The following FGF14 variants were observed in gnomAD, a reference collection of about 807,000 sequenced individuals.
The protein encoded by FGF14 is fibroblast growth factor 14.
FGF14 carries 5 observed loss-of-function variants against 25.5 expected under a neutral mutation model. The ratio of observed to expected loss-of-function variants is 0.20; its 90% CI spans 0.10 to 0.41. FGF14 has a LOEUF of 0.41. FGF14 is among the 10% of genes least tolerant of loss of function. FGF14 has a pLI of 1.00. For missense variants in FGF14, 222 were observed against 320.1 expected (o/e 0.69, Z 2.34); for synonymous variants, 138 against 118.3 (o/e 1.17, Z -1.08).
intron 3 of FGF14, among the ~76,000 whole-genome samples, chr13:101,786,908 G>A (rs571160993): frequency 9.2e-5 from 14 of 152,228 alleles, no homozygotes; most frequent in African/African-American, 3.4e-4. Flanking sequence ...AGAACCAACT[G>A]TCTCCACACT....
chr13:102,110,253 T>C (rs572718646), intron 1 of FGF14, among the ~76,000 whole-genome samples: 2 of 152,336 alleles, frequency 1.3e-5, no homozygotes, highest in East Asian at 3.9e-4. Context: ...GCAGTGTTTT[T>C]TTCCCCAAAG....
upstream of FGF14, among the ~76,000 whole-genome samples, chr13:101,919,971 G>C (rs1190452795): frequency 6.6e-6 from 1 of 152,276 alleles, no homozygotes; most frequent in East Asian, 1.9e-4. Context: ...CTTCAACGTA[G>C]CTTCCTATTT....
intron 3 of FGF14, among the ~76,000 whole-genome samples, chr13:101,767,775 G>T (rs1182466103): frequency 6.6e-6 from 1 of 152,010 alleles, no homozygotes; most frequent in Non-Finnish European, 1.5e-5. Flanking sequence ...CTACCCTGTT[G>T]GGACAAAGCT....
upstream of FGF14, chr13:102,402,190 T>A (rs1353853919): frequency 1.9e-5 from 3 of 154,906 alleles, no homozygotes; most frequent in Non-Finnish European, 4.2e-5. Flanking sequence ...CCAGTGTCGA[T>A]TTTTTTTTAT....
At chr13:102,111,567 T>A (rs1347671715) in intron 1 of FGF14, among the ~76,000 whole-genome samples, 1 of 151,896 alleles carries the variant, frequency 6.6e-6, no homozygotes, top group Non-Finnish European at 1.5e-5. Flanking sequence ...AATACAAAAA[T>A]TAGCCGGGTG....
chr13:101,900,474 TCAAAAAAAGGGGGAC>T (rs2031384260), intron 1 of FGF14, among the ~76,000 whole-genome samples: 2 of 152,014 alleles, frequency 1.3e-5, no homozygotes, highest in Admixed American at 6.5e-5. Flanking sequence ...GTCGTCAATC[TCAAAAAAAGGGGGAC>T]TTCACTACAG....
chr13:102,255,115 T>C (rs1202456287), intron 1 of FGF14, among the ~76,000 whole-genome samples: 2 of 152,310 alleles, frequency 1.3e-5, no homozygotes, highest in African/African-American at 2.4e-5. Context: ...AGAAAGATAA[T>C]GCAGACCACC....
intron 1 of FGF14, among the ~76,000 whole-genome samples, chr13:102,249,572 G>A (rs1399680795): frequency 2.0e-5 from 3 of 152,048 alleles, no homozygotes; most frequent in Non-Finnish European, 4.4e-5. Flanking sequence ...GTGTGTGTGT[G>A]TGTGTACGCG....
chr13:101,893,370 A>G (rs542828032), intron 1 of FGF14, among the ~76,000 whole-genome samples: 1 of 152,252 alleles, frequency 6.6e-6, no homozygotes, highest in South Asian at 2.1e-4. Context: ...ACCATGATGT[A>G]TTGTGATTAT....
intron 1 of FGF14, among the ~76,000 whole-genome samples, chr13:102,161,673 G>GAAGAAC (rs2047753030): frequency 1.8e-5 from 1 of 56,124 alleles, no homozygotes; most frequent in African/African-American, 6.7e-5. Context: ...AGAAGAAGAA[G>GAAGAAC]AAGAAGAAGA....
intron 1 of FGF14, among the ~76,000 whole-genome samples, chr13:101,922,955 A>T (rs2034112049): frequency 6.6e-6 from 1 of 151,944 alleles, no homozygotes; most frequent in Non-Finnish European, 1.5e-5. Context: ...CTTTTCCTTC[A>T]TTTCTGCCAT....
At chr13:101,907,330 T>G (rs896253092) in intron 1 of FGF14, among the ~76,000 whole-genome samples, 18 of 152,284 alleles carry the variant, frequency 1.2e-4, no homozygotes, top group Admixed American at 5.2e-4. Context: ...ATTAATACTC[T>G]CAATTAGAAA....
chr13:102,091,879 G>A (rs1169132534), intron 1 of FGF14, among the ~76,000 whole-genome samples: 1 of 152,078 alleles, frequency 6.6e-6, no homozygotes, highest in Non-Finnish European at 1.5e-5. Context: ...CAAATAGCTG[G>A]TATCATTTCT....
chr13:102,374,914 T>C (rs2058002405), intron 1 of FGF14, among the ~76,000 whole-genome samples: 1 of 151,788 alleles, frequency 6.6e-6, no homozygotes, highest in African/African-American at 2.4e-5. Flanking sequence ...TGCTAGTGAA[T>C]TATGCTGATT....
intron 3 of FGF14, among the ~76,000 whole-genome samples, chr13:101,861,061 T>C (rs1051456350): frequency 1.3e-5 from 2 of 152,144 alleles, no homozygotes; most frequent in African/African-American, 2.4e-5. Flanking sequence ...AGACCTCATG[T>C]TATTTAATAA....
intron 3 of FGF14, among the ~76,000 whole-genome samples, chr13:101,805,598 T>C (rs2041150895): frequency 6.6e-6 from 1 of 152,194 alleles, no homozygotes; most frequent in Admixed American, 6.6e-5. Flanking sequence ...AAGATTTGTA[T>C]GCAAGCAATA....
At chr13:101,884,157 G>A (rs9585799) in intron 1 of FGF14, among the ~76,000 whole-genome samples, 5,358 of 150,384 alleles carry the variant, frequency 0.036, 288 homozygotes, top group African/African-American at 0.12. Flanking sequence ...AAATGATGGC[G>A]TGAATGTGAA....
At chr13:102,357,101 C>G (rs995743270) in intron 1 of FGF14, among the ~76,000 whole-genome samples, 21 of 143,956 alleles carry the variant, frequency 1.5e-4, no homozygotes, top group African/African-American at 4.9e-4. Context: ...TTAATTCTAA[C>G]ACAGGCTACT....
chr13:102,087,575 CTTTTTTT>C (rs1166446102), intron 1 of FGF14, among the ~76,000 whole-genome samples: 24 of 79,878 alleles, frequency 3.0e-4, no homozygotes, highest in African/African-American at 5.7e-4. Flanking sequence ...CCATGCCTGG[CTTTTTTT>C]TTTTTTTTTT....
Sources: allele counts gnomAD v4.1 joint callset (sites outside exome capture counted in the v4.1 genomes callset), GRCh38; gene constraint gnomAD v4.1.1; transcripts MANE v1.5; gene names NCBI Gene and HGNC (gene_info 2026-07-23, HGNC 2026-07-21).